The following LRP1B variants were observed in gnomAD, a reference collection of about 807,000 sequenced individuals.
LRP1B encodes the protein low-density lipoprotein receptor-related protein 1B.
Under a neutral mutation model 556.6 loss-of-function variants are expected in LRP1B, and 217 were observed. That is an observed-to-expected ratio of 0.39 (90% CI 0.35 to 0.44). LRP1B has a LOEUF of 0.44. Ranked by LOEUF, LRP1B falls within the 20% of genes least tolerant of loss-of-function variation. LRP1B has a pLI of 1.00. For missense variants in LRP1B, 5,053 were observed against 5,620.8 expected (o/e 0.90, Z 3.23); for synonymous variants, 2,047 against 1,865.8 (o/e 1.10, Z -2.50).
chr2:140,823,725 A>G, intron 31 of LRP1B, among the ~76,000 whole-genome samples: 1 of 151,836 alleles, frequency 6.6e-6, no homozygotes, highest in Middle Eastern at 3.5e-3. Context: ...AATATAGTTT[A>G]TATATAAAAC....
chr2:141,464,606 A>ATATATATAT, intron 3 of LRP1B, among the ~76,000 whole-genome samples: 38 of 90,542 alleles, frequency 4.2e-4, no homozygotes, highest in African/African-American at 1.6e-3. Context: ...ATATATATAT[A>ATATATATAT]TTTTTTTAGT....
chr2:141,838,167 C>T lies in LRP1B; in HGVS notation c.83-27766G>A, dbSNP rs114143359. On this transcript the variant is annotated intron_variant, in intron 1 of 90. Coordinates refer to ENST00000389484, the MANE Select transcript of LRP1B (RefSeq NM_018557.3). ...AAGTGGGGGATGCAGAAATACAAAGCTATAATAATCTATAACGTAAGCTAT... is the reference window on the plus strand; with the variant it reads ...AAGTGGGGGATGCAGAAATACAAAGTTATAATAATCTATAACGTAAGCTAT... Among the ~76,000 whole-genome samples, 1,235 of 152,138 alleles carry T rather than the reference C, an allele frequency of 8.1e-3. 22 individuals carry two copies. Among genetic ancestry groups the T allele is most frequent in the African/African-American group, 0.028 (1,179 of 41,502 alleles).
At chr2:141,459,029 A>T (rs1033286264) in intron 3 of LRP1B, among the ~76,000 whole-genome samples, 1 of 152,174 alleles carries the variant, frequency 6.6e-6, no homozygotes, top group African/African-American at 2.4e-5. Flanking sequence ...GGCAGTCCAG[A>T]AACACCCTGA....
chr2:140,729,474 A>G (rs1235087338), intron 35 of LRP1B, among the ~76,000 whole-genome samples: 2 of 152,186 alleles, frequency 1.3e-5, no homozygotes, highest in Non-Finnish European at 2.9e-5. Context: ...CTGTTATTGA[A>G]TCACAGCTAT....
intron 83 of LRP1B, among the ~76,000 whole-genome samples, chr2:140,313,894 TTAAG>T (rs1386702916): frequency 4.0e-5 from 6 of 151,878 alleles, no homozygotes; most frequent in African/African-American, 1.2e-4. Context: ...CAGAATGCTA[TTAAG>T]TAATTAGAAT....
At chr2:141,201,690 G>C (rs1682029261) in intron 6 of LRP1B, among the ~76,000 whole-genome samples, 1 of 151,890 alleles carries the variant, frequency 6.6e-6, no homozygotes, top group Admixed American at 6.6e-5. Flanking sequence ...TAACCAAGTT[G>C]TAGACTCCGA....
chr2:141,552,891 T>A (rs1043843184), intron 2 of LRP1B, among the ~76,000 whole-genome samples: 1 of 151,972 alleles, frequency 6.6e-6, no homozygotes, highest in Non-Finnish European at 1.5e-5. Flanking sequence ...TTGGAACATA[T>A]AAGAATACTT....
At chr2:141,705,040 C>T (rs1028617477) in intron 2 of LRP1B, among the ~76,000 whole-genome samples, 6 of 151,960 alleles carry the variant, frequency 3.9e-5, no homozygotes, top group African/African-American at 1.4e-4. Context: ...CCATGTACCA[C>T]GTACTAATCT....
chr2:142,129,576 TTCTCTCTTTCTCTCTCTC>T lies in LRP1B; in HGVS notation c.82+1054_82+1071del, dbSNP rs964814884. The stretch of plus-strand genomic sequence containing the variant: ...GCTTGGCATTGGGATCTGGGTTTCT[TTCTCTCTTTCTCTCTCTC>T]TCTCTCTCTCTCTCTCTCTCTCTCT... On this transcript the variant is annotated intron_variant, in intron 1 of 90. Coordinates refer to ENST00000389484, the MANE Select transcript of LRP1B (RefSeq NM_018557.3). Among the ~76,000 whole-genome samples the T allele has an allele frequency of 1.2e-4, 13 of 111,160 alleles. No individual in the cohort carries two copies. In the South Asian group the frequency reaches 2.9e-3, roughly 25 times the overall value. The allele number at this position is 111,160 out of a possible 152,430, so 72.9% of individuals were successfully genotyped here.
intron 41 of LRP1B, among the ~76,000 whole-genome samples, chr2:140,636,274 G>A (rs1416305172): frequency 1.3e-5 from 2 of 151,954 alleles, no homozygotes; most frequent in Non-Finnish European, 2.9e-5. Flanking sequence ...CAATACCCGT[G>A]GTAGATTATG....
At chr2:141,997,326 G>T (rs1702520714) in intron 1 of LRP1B, among the ~76,000 whole-genome samples, 2 of 151,296 alleles carry the variant, frequency 1.3e-5, no homozygotes, top group Admixed American at 1.3e-4. Context: ...ACAGGATTTT[G>T]TTAAAGAGCT....
intron 83 of LRP1B, among the ~76,000 whole-genome samples, chr2:140,310,330 T>A (rs537465846): frequency 6.6e-6 from 1 of 151,078 alleles, no homozygotes; most frequent in East Asian, 1.9e-4. Context: ...TAACACAATC[T>A]ACAGATTCAA....
At chr2:140,947,675 A>C (rs1256234233) in intron 20 of LRP1B, among the ~76,000 whole-genome samples, 1 of 152,228 alleles carries the variant, frequency 6.6e-6, no homozygotes, top group African/African-American at 2.4e-5. Flanking sequence ...TTTAAGTTCC[A>C]CTTGAAATCC....
At chr2:142,119,280 T>C (rs1707373397) in intron 1 of LRP1B, among the ~76,000 whole-genome samples, 2 of 152,160 alleles carry the variant, frequency 1.3e-5, no homozygotes. Context: ...ATTTCCAAGG[T>C]AATTTCTCTG....
intron 1 of LRP1B, among the ~76,000 whole-genome samples, chr2:141,898,798 C>T (rs1013950023): frequency 2.0e-5 from 3 of 152,072 alleles, no homozygotes; most frequent in African/African-American, 7.2e-5. Context: ...CTATAAAGCC[C>T]TTTCCATTTG....
intron 11 of LRP1B, among the ~76,000 whole-genome samples, chr2:141,033,879 T>C (rs1393994570): frequency 6.6e-6 from 1 of 152,182 alleles, no homozygotes; most frequent in Non-Finnish European, 1.5e-5. Context: ...TTTATATTTT[T>C]TGTGTTCTTG....
chr2:141,266,593 C>T (rs1684900420), intron 3 of LRP1B, among the ~76,000 whole-genome samples: 1 of 152,172 alleles, frequency 6.6e-6, no homozygotes, highest in East Asian at 1.9e-4. Context: ...GTTATGCCTG[C>T]AAGTTAAGAA....
At position 140,404,775 on chromosome 2, in the gene LRP1B, G is replaced by A. The variant is rs151324665; in HGVS notation, c.10415-18766C>T. 2.6e-3 allele frequency among the ~76,000 whole-genome samples: 393 copies of A among 152,294 alleles called. 2 individuals are homozygous for A. The highest frequency in any genetic ancestry group is 8.9e-3 in the African/African-American group (370 of 41,564). On this transcript the variant is annotated intron_variant, in intron 66 of 90. Transcript: ENST00000389484. ...AAATGGAAACCAAAAGGGAGCAGGAGTAGTTATTCTTATATCAGATAAAAC... is the reference window on the plus strand; with the variant it reads ...AAATGGAAACCAAAAGGGAGCAGGAATAGTTATTCTTATATCAGATAAAAC...
chr2:141,388,728 A>G (rs1031481344), intron 3 of LRP1B, among the ~76,000 whole-genome samples: 5 of 152,190 alleles, frequency 3.3e-5, no homozygotes, highest in African/African-American at 1.2e-4. Context: ...TATCTCTATT[A>G]TCAGATGATA....
Sources: allele counts gnomAD v4.1 joint callset (sites outside exome capture counted in the v4.1 genomes callset), GRCh38; gene constraint gnomAD v4.1.1; transcripts MANE v1.5; gene names NCBI Gene and HGNC (gene_info 2026-07-23, HGNC 2026-07-21).